Variants in AHCY observed in about 807,000 individuals in gnomAD.
The protein encoded by AHCY is adenosylhomocysteinase, also known as S-adenosyl-L-homocysteine hydrolase.
In AHCY, 24 loss-of-function variants were observed where a neutral mutation model predicts 45.4. That is an observed-to-expected ratio of 0.53 (90% CI 0.38 to 0.74). AHCY has a LOEUF of 0.74. Ranked by LOEUF, AHCY falls within the 30% of genes least tolerant of loss-of-function variation. The pLI is 0.00. For synonymous variants in AHCY, 245 were observed against 235.1 expected, an observed-to-expected ratio of 1.04 and a Z score of -0.39; for missense variants, 449 against 594.1, an observed-to-expected ratio of 0.76 and a Z score of 2.54.
At chr20:34,266,724 G>A in the AHCY span, among the ~76,000 whole-genome samples, 34 of 152,128 alleles carry the variant, frequency 2.2e-4, no homozygotes, top group Admixed American at 7.2e-4. Context: ...GTGTTAGAAA[G>A]GCACTAAGGA....
At chr20:34,298,009 G>A (rs942137756) in intron 1 of AHCY, among the ~76,000 whole-genome samples, 2 of 152,026 alleles carry the variant, frequency 1.3e-5, no homozygotes, top group African/African-American at 4.8e-5. Context: ...TGTGGTGGTG[G>A]GTGCCTGTAA....
intron 8 of AHCY, chr20:34,285,882 T>C: frequency 1.2e-5 from 6 of 493,974 alleles, no homozygotes; most frequent in Non-Finnish European, 1.9e-5. Context: ...AGGCGGATCA[T>C]GAGGTCAGGA....
upstream of AHCY, among the ~76,000 whole-genome samples, chr20:34,305,159 C>CAAAAAAAA (rs528737503): frequency 9.1e-6 from 1 of 109,390 alleles, no homozygotes; most frequent in Admixed American, 9.8e-5. Flanking sequence ...ACTAAAAATA[C>CAAAAAAAA]AAAAAAAAAA....
chr20:34,252,772 A>T, the AHCY span, among the ~76,000 whole-genome samples: 3 of 151,886 alleles, frequency 2.0e-5, no homozygotes, highest in Admixed American at 6.6e-5. Context: ...GTGGGGGGAA[A>T]CCTTGGACAA....
At chr20:34,293,093 C>T (rs1248661352) in intron 3 of AHCY, among the ~76,000 whole-genome samples, 2 of 152,174 alleles carry the variant, frequency 1.3e-5, no homozygotes, top group African/African-American at 2.4e-5. Context: ...TTCTGCCAGA[C>T]ATGACTCTAA....
At chr20:34,261,268 G>C in the AHCY span, among the ~76,000 whole-genome samples, 4 of 152,048 alleles carry the variant, frequency 2.6e-5, no homozygotes, top group Non-Finnish European at 5.9e-5. Context: ...GAAGCTGGAG[G>C]CATGAGGATT....
chr20:34,305,349 A>AT (rs1466867112), upstream of AHCY, among the ~76,000 whole-genome samples: 4 of 152,002 alleles, frequency 2.6e-5, no homozygotes, highest in South Asian at 2.1e-4. Context: ...AAAAATAAGA[A>AT]TTAAGGTCTT....
At chr20:34,304,317 C>T (rs904271140), upstream of AHCY, among the ~76,000 whole-genome samples, 1 of 152,104 alleles carries the variant, frequency 6.6e-6, no homozygotes, top group Admixed American at 6.6e-5. Context: ...GGTTTCAGGA[C>T]CTCTGTGGAC....
At chr20:34,233,773 C>G in the AHCY span, among the ~76,000 whole-genome samples, 1 of 152,092 alleles carries the variant, frequency 6.6e-6, no homozygotes, top group South Asian at 2.1e-4. Context: ...TTTCAAGGGC[C>G]ACAATGATGT....
At chr20:34,285,242 T>A (rs1601642488) in intron 9 of AHCY, among the ~76,000 whole-genome samples, 198 bp downstream of exon 9, 1 of 152,292 alleles carries the variant, frequency 6.6e-6, no homozygotes, top group East Asian at 1.9e-4. Context: ...TCTGCTGTGC[T>A]CCAGGGAGCC....
At chr20:34,298,518 C>CGAT (rs1239751368) in intron 1 of AHCY, among the ~76,000 whole-genome samples, 1 of 151,240 alleles carries the variant, frequency 6.6e-6, no homozygotes, top group African/African-American at 2.4e-5. Context: ...GGGAAGACGC[C>CGAT]CGTTACCAGG....
chr20:34,267,122 C>T, the AHCY span, among the ~76,000 whole-genome samples: 1 of 152,136 alleles, frequency 6.6e-6, no homozygotes, highest in East Asian at 1.9e-4. Context: ...ATATGCTAAG[C>T]ACTGGGAACA....
chr20:34,286,060 G>A (rs1276734295), intron 8 of AHCY: 6 of 259,020 alleles, frequency 2.3e-5, no homozygotes, highest in East Asian at 1.0e-4. Context: ...AGCCGAGATC[G>A]CACCACTGCA....
chr20:34,245,265 C>T, the AHCY span, among the ~76,000 whole-genome samples: 1 of 134,332 alleles, frequency 7.4e-6, no homozygotes, highest in Non-Finnish European at 1.5e-5. Flanking sequence ...ACCTGGGAGG[C>T]GGAGGTGGCA....
chr20:34,290,641 G>T lies in AHCY; in HGVS notation c.767-3C>A, dbSNP rs1318633422. 2 of 1,614,076 alleles carry T rather than the reference G, an allele frequency of 1.2e-6. No homozygotes were observed. On this transcript the variant is annotated splice_region_variant and splice_polypyrimidine_tract_variant and intron_variant, in intron 6 of 9. Transcript: ENST00000217426. This position sits in a 1 kb window ranked among gnomAD's most constrained non-coding sequence, Gnocchi z 4.5. ...ATCCATGGTGGTCACCTCATAGCCTGTGCAGAGACAGTGGCTGTGGGTCAT... is the reference window on the plus strand; with the variant it reads ...ATCCATGGTGGTCACCTCATAGCCTTTGCAGAGACAGTGGCTGTGGGTCAT...
chr20:34,281,289 ACT>A, intron 9 of AHCY, 124 bp from the exon 10 acceptor site: 1 of 1,438,730 alleles, frequency 7.0e-7, no homozygotes. Context: ...ACTCATGTTA[ACT>A]CTTTCTATCC....
chr20:34,305,942 C>A (rs891599142), upstream of AHCY, among the ~76,000 whole-genome samples: 29 of 151,862 alleles, frequency 1.9e-4, no homozygotes, highest in Admixed American at 1.3e-3. Context: ...ATTAGCCGGG[C>A]GTGATGGTGC....
chr20:34,295,181 G>A (rs1341191492), intron 2 of AHCY: 2 of 681,010 alleles, frequency 2.9e-6, no homozygotes, highest in African/African-American at 1.8e-5. Flanking sequence ...GTAGCCAACA[G>A]TGACCTTCCC....
chr20:34,249,671 T>C, the AHCY span, among the ~76,000 whole-genome samples: 2 of 152,182 alleles, frequency 1.3e-5, no homozygotes, highest in Admixed American at 1.3e-4. Context: ...TGGCAAATTG[T>C]GCCTCAACTC....
Sources: allele counts gnomAD v4.1 joint callset (sites outside exome capture counted in the v4.1 genomes callset), GRCh38; gene constraint gnomAD v4.1.1; non-coding constraint Gnocchi (gnomAD v3.1); transcripts MANE v1.5; gene names NCBI Gene and HGNC (gene_info 2026-07-23, HGNC 2026-07-21).